PDE5A: variants seen among roughly 807,000 people sequenced by gnomAD.
PDE5A encodes the protein phosphodiesterase 5A.
A neutral mutation model predicts 110.2 loss-of-function variants in PDE5A; 67 were observed. The observed-to-expected ratio is 0.61, with a 90% CI of 0.50 to 0.75. PDE5A has a LOEUF of 0.75. PDE5A is among the 30% of genes least tolerant of loss of function. The pLI is 0.00. For synonymous variants in PDE5A, 328 were observed against 351.2 expected (o/e 0.93, Z 0.74); for missense variants, 862 against 1,045.1 (o/e 0.82, Z 2.42).
intron 14 of PDE5A, among the ~76,000 whole-genome samples, chr4:119,517,405 GAA>G (rs35189456): frequency 6.8e-6 from 1 of 146,706 alleles, no homozygotes; most frequent in Non-Finnish European, 1.5e-5. Context: ...AACAAGGAAA[GAA>G]AAAAAAAGAA....
intron 2 of PDE5A, among the ~76,000 whole-genome samples, chr4:119,605,656 A>G (rs1729500856): frequency 6.6e-6 from 1 of 152,150 alleles, no homozygotes; most frequent in African/African-American, 2.4e-5. Flanking sequence ...CAAAAAAAAA[A>G]AGAAATTTTC....
At chr4:119,563,043 T>C (rs959346657) in intron 5 of PDE5A, 73 bp from the exon 6 acceptor site, 1 of 1,261,118 alleles carries the variant, frequency 7.9e-7, no homozygotes, top group Non-Finnish European at 1.1e-6. Flanking sequence ...TTTATATGGG[T>C]TATAAATTGT....
At chr4:119,554,508 A>T (rs950744140) in intron 7 of PDE5A, among the ~76,000 whole-genome samples, 3 of 152,196 alleles carry the variant, frequency 2.0e-5, no homozygotes, top group East Asian at 1.9e-4. Context: ...TTTTTTCATC[A>T]GGAAACTCCG....
intron 16 of PDE5A, among the ~76,000 whole-genome samples, chr4:119,506,629 T>C (rs1372473630): frequency 2.0e-5 from 3 of 151,914 alleles, no homozygotes; most frequent in Non-Finnish European, 4.4e-5. Context: ...GAGACCCATG[T>C]GGCCTGTAAA....
intron 11 of PDE5A, among the ~76,000 whole-genome samples, chr4:119,533,247 C>T (rs1726608724): frequency 6.6e-6 from 1 of 152,072 alleles, no homozygotes; most frequent in Non-Finnish European, 1.5e-5. Flanking sequence ...CATCTCCTGC[C>T]AGGTGTTTTA....
intron 1 of PDE5A, among the ~76,000 whole-genome samples, chr4:119,613,556 G>C (rs1438837645): frequency 6.6e-6 from 1 of 151,992 alleles, no homozygotes; most frequent in African/African-American, 2.4e-5. Context: ...TATGAAGTTA[G>C]GTAAATGTAC....
At chr4:119,505,987 C>G in intron 16 of PDE5A, 55 bp from the exon 17 acceptor site, 1 of 976,570 alleles carries the variant, frequency 1.0e-6, no homozygotes, top group Non-Finnish European at 1.5e-6. Flanking sequence ...GGTCTTATCC[C>G]TTTGGTCCAC....
chr4:119,608,080 A>G (rs1206053405), intron 1 of PDE5A, among the ~76,000 whole-genome samples: 3 of 152,232 alleles, frequency 2.0e-5, no homozygotes, highest in Non-Finnish European at 4.4e-5. Flanking sequence ...GCAAAAGTAG[A>G]TAAGTTTAGA....
Position 119,562,709 on chromosome 4 carries a change from A to G in PDE5A, c.1131+124T>C. On this transcript the variant is annotated intron_variant, in intron 6 of 20. Coordinates refer to ENST00000354960, the MANE Select transcript of PDE5A (RefSeq NM_001083.4). Reference sequence around the variant, plus strand: ...GCTCATACCCTGATTAGTTTTATATACATATTCATACACATTTGGGTTTGA... The same window carrying G: ...GCTCATACCCTGATTAGTTTTATATGCATATTCATACACATTTGGGTTTGA... 7.4e-6 allele frequency: 5 copies of G among 671,942 alleles called. No individual in the cohort carries two copies. The South Asian group carries it at 1.5e-4, about 20-fold the overall frequency. 41.6% of individuals were successfully genotyped at this position (671,942 alleles called of 1,614,324 possible). A position where few individuals can be genotyped will look rare whatever the true frequency, so the allele number is the denominator to read the frequency against.
chr4:119,575,436 G>A (rs1411119306), intron 3 of PDE5A, among the ~76,000 whole-genome samples: 2 of 152,230 alleles, frequency 1.3e-5, no homozygotes, highest in Non-Finnish European at 2.9e-5. Context: ...CAGCCAGAGA[G>A]AAAGGTTGGG....
In PDE5A at chr4:119,495,590, A is replaced by C. The variant is rs1725032451; in HGVS notation, c.*3011T>G. 1 of 152,564 alleles carries C rather than the reference A, an allele frequency of 6.6e-6. No individual in the cohort carries two copies. Among genetic ancestry groups the C allele is most frequent in the Non-Finnish European group, 1.5e-5 (1 of 68,020 alleles). The allele number at this position is 152,564 out of a possible 1,614,324, so 9.5% of individuals were successfully genotyped here. On this transcript the variant is annotated 3_prime_UTR_variant, in exon 21 of 21. Coordinates refer to ENST00000354960, the MANE Select transcript of PDE5A (RefSeq NM_001083.4). ...TAAAGGCACTTCACTGCTAGGCAAGAATATATCTGTGACTGAACAGTTTTC... is the reference window on the plus strand; with the variant it reads ...TAAAGGCACTTCACTGCTAGGCAAGCATATATCTGTGACTGAACAGTTTTC...
chr4:119,544,147 C>T (rs770951294), intron 9 of PDE5A, among the ~76,000 whole-genome samples: 5 of 152,104 alleles, frequency 3.3e-5, no homozygotes, highest in Non-Finnish European at 5.9e-5. Context: ...GTCTGGAAGA[C>T]GGTTGCACAT....
intron 4 of PDE5A, among the ~76,000 whole-genome samples, chr4:119,566,765 T>C (rs1727949815): frequency 6.6e-6 from 1 of 152,162 alleles, no homozygotes; most frequent in Non-Finnish European, 1.5e-5. Flanking sequence ...ATAGCAGTGA[T>C]GAAAGGTAAA....
chr4:119,563,838 A>G (rs1727827585), intron 5 of PDE5A, among the ~76,000 whole-genome samples: 1 of 152,188 alleles, frequency 6.6e-6, no homozygotes, highest in Admixed American at 6.6e-5. Flanking sequence ...TGGCAAGAAT[A>G]GAACAGGGAG....
At chr4:119,613,984 A>T (rs1371529015) in intron 1 of PDE5A, among the ~76,000 whole-genome samples, 1 of 151,724 alleles carries the variant, frequency 6.6e-6, no homozygotes, top group Admixed American at 6.6e-5. Flanking sequence ...CGTAACATCT[A>T]GCTGAATCTA....
At chr4:119,575,395 G>A (rs1019323845) in intron 3 of PDE5A, among the ~76,000 whole-genome samples, 31 of 152,252 alleles carry the variant, frequency 2.0e-4, no homozygotes, top group South Asian at 6.2e-4. Flanking sequence ...CAGATTCACC[G>A]AAGTTAAAAT....
intron 10 of PDE5A, among the ~76,000 whole-genome samples, chr4:119,541,057 T>C (rs1007578851): frequency 6.6e-6 from 1 of 151,792 alleles, no homozygotes; most frequent in Admixed American, 6.6e-5. Flanking sequence ...ACTAAGCCAG[T>C]GGGAGGGGAA....
intron 3 of PDE5A, among the ~76,000 whole-genome samples, chr4:119,587,249 C>T (rs1728795228): frequency 6.9e-6 from 1 of 144,414 alleles, no homozygotes; most frequent in Admixed American, 7.1e-5. Flanking sequence ...TTTTTTCAGG[C>T]TGGCATGCAG....
intron 1 of PDE5A, among the ~76,000 whole-genome samples, chr4:119,610,411 A>G (rs147843289): frequency 6.6e-6 from 1 of 152,348 alleles, no homozygotes; most frequent in African/African-American, 2.4e-5. Context: ...CTAAACTGTT[A>G]AATCATATAA....
Sources: allele counts gnomAD v4.1 joint callset (sites outside exome capture counted in the v4.1 genomes callset), GRCh38; gene constraint gnomAD v4.1.1; transcripts MANE v1.5; gene names NCBI Gene and HGNC (gene_info 2026-07-23, HGNC 2026-07-21).